The following NTRK2 variants were observed in gnomAD, a reference collection of about 807,000 sequenced individuals.
NTRK2 encodes BDNF/NT-3 growth factors receptor.
NTRK2 carries 13 observed loss-of-function variants against 94.5 expected under a neutral mutation model. That is an observed-to-expected ratio of 0.14 (90% CI 0.09 to 0.22). The LOEUF (loss-of-function observed/expected upper bound fraction) is 0.22. Among genes scored for constraint, NTRK2 ranks in the 10% least tolerant of loss-of-function variants. NTRK2 has a pLI of 1.00. For synonymous variants in NTRK2, 372 were observed against 407.4 expected, an observed-to-expected ratio of 0.91 and a Z score of 1.05; for missense variants, 639 against 1,071.2, an observed-to-expected ratio of 0.60 and a Z score of 5.63.
intron 2 of NTRK2, among the ~76,000 whole-genome samples, chr9:84,682,606 C>T (rs903192931): frequency 6.6e-6 from 1 of 152,136 alleles, no homozygotes; most frequent in Non-Finnish European, 1.5e-5. Flanking sequence ...CTCGAGAGCC[C>T]AGGCAATTCC....
At chr9:84,791,385 G>A (rs2068716686) in intron 12 of NTRK2, among the ~76,000 whole-genome samples, 2 of 152,256 alleles carry the variant, frequency 1.3e-5, no homozygotes, top group Middle Eastern at 3.4e-3. Context: ...GGAAAAAAAT[G>A]AGTCAACTGA....
intron 12 of NTRK2, among the ~76,000 whole-genome samples, chr9:84,822,664 A>G (rs1429385624): frequency 6.6e-6 from 1 of 152,178 alleles, no homozygotes; most frequent in African/African-American, 2.4e-5. Flanking sequence ...CGTTCACTCT[A>G]GGGAGTTACT....
intron 14 of NTRK2, chr9:84,877,527 G>A (rs887721135): frequency 1.9e-6 from 2 of 1,066,502 alleles, no homozygotes; most frequent in African/African-American, 3.3e-5. Context: ...TGTGGCCAAG[G>A]ACCCCCCTCC....
At chr9:84,698,455 C>T (rs891725501) in intron 2 of NTRK2, among the ~76,000 whole-genome samples, 6 of 151,900 alleles carry the variant, frequency 3.9e-5, no homozygotes, top group Admixed American at 6.6e-5. Flanking sequence ...TCGGGTTGTT[C>T]CAGCTTTTGA....
intron 12 of NTRK2, among the ~76,000 whole-genome samples, chr9:84,829,433 T>G (rs2073396133): frequency 6.6e-6 from 1 of 152,240 alleles, no homozygotes; most frequent in African/African-American, 2.4e-5. Context: ...TGAGGGCAGG[T>G]TCACTCTATG....
intron 17 of NTRK2, among the ~76,000 whole-genome samples, chr9:85,000,385 T>A (rs1830207466): frequency 6.6e-6 from 1 of 152,212 alleles, no homozygotes; most frequent in African/African-American, 2.4e-5. Context: ...ATCCTCCGTG[T>A]GTCTCCTATT....
At chr9:84,738,862 G>A (rs1399212247) in intron 9 of NTRK2, among the ~76,000 whole-genome samples, 1 of 152,118 alleles carries the variant, frequency 6.6e-6, no homozygotes, top group East Asian at 1.9e-4. Context: ...GGCTGTTGTG[G>A]ACAAAAGTAA....
chr9:84,811,910 C>CCGGG, intron 12 of NTRK2: 1 of 1,038,802 alleles, frequency 9.6e-7, no homozygotes, highest in Non-Finnish European at 1.2e-6. Context: ...GCTATCCCCA[C>CCGGG]CCCACCCCAC....
intron 17 of NTRK2, among the ~76,000 whole-genome samples, chr9:84,957,488 A>G (rs760980739): frequency 2.0e-5 from 3 of 152,266 alleles, no homozygotes; most frequent in Non-Finnish European, 4.4e-5. Flanking sequence ...CACATGGTCA[A>G]TAAGCACATG....
At chr9:84,981,245 C>T (rs924017805) in intron 17 of NTRK2, among the ~76,000 whole-genome samples, 4 of 132,236 alleles carry the variant, frequency 3.0e-5, no homozygotes, top group South Asian at 2.6e-4. Flanking sequence ...CATGCCCAGC[C>T]GGTTTTGTTT....
intron 12 of NTRK2, among the ~76,000 whole-genome samples, chr9:84,769,504 A>G (rs1158187240): frequency 6.6e-6 from 1 of 152,234 alleles, no homozygotes; most frequent in Non-Finnish European, 1.5e-5. Context: ...GAATCTCTGT[A>G]CTATAGATCT....
At chr9:84,993,927 C>T (rs1829408569) in intron 17 of NTRK2, among the ~76,000 whole-genome samples, 1 of 152,158 alleles carries the variant, frequency 6.6e-6, no homozygotes. Flanking sequence ...CCACAAGAAA[C>T]CTTATATCAG....
chr9:84,850,824 G>C (rs1444343777), intron 12 of NTRK2, among the ~76,000 whole-genome samples: 1 of 152,178 alleles, frequency 6.6e-6, no homozygotes, highest in African/African-American at 2.4e-5. Context: ...TGTCAGAGCT[G>C]TTTCTAAGAT....
intron 12 of NTRK2, among the ~76,000 whole-genome samples, chr9:84,844,234 C>T (rs1204172886): frequency 6.6e-6 from 1 of 152,108 alleles, no homozygotes. Context: ...CTAGAATAGG[C>T]CATAGCTGCA....
chr9:84,862,652 A>G (rs1261041725), intron 13 of NTRK2, among the ~76,000 whole-genome samples: 4 of 152,182 alleles, frequency 2.6e-5, no homozygotes, highest in Non-Finnish European at 5.9e-5. Context: ...GATGATTGCC[A>G]TTGAGAAGAT....
intron 2 of NTRK2, among the ~76,000 whole-genome samples, chr9:84,699,590 A>T (rs1338247305): frequency 6.6e-6 from 1 of 151,622 alleles, no homozygotes. Flanking sequence ...TTTACCATTG[A>T]CCAAATTTAT....
At chr9:84,747,389 A>T (rs543160833) in intron 11 of NTRK2, among the ~76,000 whole-genome samples, 1 of 152,222 alleles carries the variant, frequency 6.6e-6, no homozygotes, top group South Asian at 2.1e-4. Context: ...TTGGTGTAAG[A>T]AAGTTGTTTG....
At chr9:84,718,703 C>T (rs190353474) in intron 6 of NTRK2, among the ~76,000 whole-genome samples, 1 of 152,264 alleles carries the variant, frequency 6.6e-6, no homozygotes, top group Non-Finnish European at 1.5e-5. Context: ...CGTTGCTGGG[C>T]TTTGCTGTGT....
At chr9:84,698,174 C>T (rs889667529) in intron 2 of NTRK2, among the ~76,000 whole-genome samples, 27 of 151,798 alleles carry the variant, frequency 1.8e-4, no homozygotes, top group African/African-American at 5.8e-4. Context: ...TTCTCCTTTC[C>T]CAAGGCCACC....
Sources: gnomAD v4.1 joint callset for allele counts (sites outside exome capture counted in the v4.1 genomes callset) on GRCh38, gnomAD v4.1.1 for gene constraint, MANE v1.5 for transcripts, NCBI Gene and HGNC (gene_info 2026-07-23, HGNC 2026-07-21) for gene names.